The following MPHOSPH6 variants were observed in gnomAD, a reference collection of about 807,000 sequenced individuals.
MPHOSPH6 encodes the protein M-phase phosphoprotein 6.
A neutral mutation model predicts 21.8 loss-of-function variants in MPHOSPH6; 25 were observed. The ratio of observed to expected loss-of-function variants is 1.15; its 90% CI spans 0.83 to 1.60. The LOEUF (loss-of-function observed/expected upper bound fraction) is 1.60. Among genes scored for constraint, MPHOSPH6 ranks in the 40% most tolerant of loss-of-function variants. The pLI, the probability that MPHOSPH6 is intolerant of heterozygous loss-of-function variation, is 0.00. For synonymous variants in MPHOSPH6, 84 were observed against 56.5 expected (o/e 1.49, Z -2.18); for missense variants, 269 against 181.8 (o/e 1.48, Z -2.76).
rs1906149515 is a variant in MPHOSPH6 at position 82,148,390 on chromosome 16, T to A, written c.*341A>T. 2 of 179,398 alleles carry A rather than the reference T, an allele frequency of 1.1e-5. No homozygotes were observed. Among genetic ancestry groups the A allele is most frequent in the Non-Finnish European group, 2.3e-5 (2 of 87,046 alleles). The allele number at this position is 179,398 out of a possible 1,614,324, so 11.1% of individuals were successfully genotyped here. The stretch of plus-strand genomic sequence containing the variant: ...TAATAAATATAAACATAAGGGCAAT[T>A]TAAACATTGGCAGTAGTTTATGTAA... On this transcript the variant is annotated 3_prime_UTR_variant, in exon 5 of 5. Transcript: ENST00000258169.
chr16:82,164,129 A>C lies in MPHOSPH6; in HGVS notation c.117T>G (p.Ile39Met). The C allele has an allele frequency of 3.1e-6, 5 of 1,613,000 alleles. No homozygotes were observed. The highest frequency in any genetic ancestry group is 4.2e-6 in the Non-Finnish European group (5 of 1,179,962). The change falls in exon 2 of 5, where the codon ATT becomes ATG. Residue 39 changes from isoleucine (I) to methionine (M), a missense_variant. Physicochemically the swap from Ile to Met is conservative, Grantham distance 10. Transcript: ENST00000258169. ...KQLEEEEKKI[I>M]SEEHWYLDLP... ...AATCCAAGTACCAGTGCTCTTCACT[A>C]ATGATTTTCTTTTCTTCTTCTTCTA...
chr16:82,149,242 G>T, intron 4 of MPHOSPH6, 67 bp downstream of exon 4: 1 of 1,490,186 alleles, frequency 6.7e-7, no homozygotes, highest in Non-Finnish European at 9.3e-7. Flanking sequence ...TGGGGTAAGA[G>T]GAGCATTCCT....
At chr16:82,167,814 C>T (rs562160962) in intron 1 of MPHOSPH6, among the ~76,000 whole-genome samples, 1 of 152,302 alleles carries the variant, frequency 6.6e-6, no homozygotes, top group South Asian at 2.1e-4. Flanking sequence ...CGCTTGCCTG[C>T]CCGCTGCTCA....
chr16:82,168,129 T>C (rs1174369552), intron 1 of MPHOSPH6, among the ~76,000 whole-genome samples: 3 of 22,786 alleles, frequency 1.3e-4, no homozygotes, highest in Non-Finnish European at 2.2e-4. Context: ...GGGGTGGACA[T>C]TTAAGTTAAT....
intron 2 of MPHOSPH6, 174 bp downstream of exon 2, chr16:82,163,900 AAAATGTAT>A: frequency 1.9e-6 from 1 of 513,140 alleles, no homozygotes; most frequent in South Asian, 3.1e-5. Context: ...GGGAGTAGTA[AAAATGTAT>A]AAATCCATGT....
intron 1 of MPHOSPH6, among the ~76,000 whole-genome samples, chr16:82,165,895 A>C (rs908021550): frequency 5.3e-5 from 8 of 152,244 alleles, no homozygotes; most frequent in Non-Finnish European, 1.0e-4. Flanking sequence ...GTAACACATG[A>C]TGGTGATAAC....
intron 1 of MPHOSPH6, among the ~76,000 whole-genome samples, chr16:82,168,201 C>T (rs866768882): frequency 6.6e-6 from 1 of 152,284 alleles, no homozygotes; most frequent in South Asian, 2.1e-4. Flanking sequence ...AGTACATCAT[C>T]TGGCTTATTC....
rs1447755152 is a variant in MPHOSPH6 at position 82,170,124 on chromosome 16, C to G, written c.51+1G>C. ...GAGTGGCGCTCTCAGCGTCCCCGCA[C>G]CTTCATGCGCAGTAGATTCTTGGAC... On this transcript the variant is annotated splice_donor_variant, in intron 1 of 4. Coordinates refer to ENST00000258169, the MANE Select transcript of MPHOSPH6 (RefSeq NM_005792.2). LOFTEE classifies it high-confidence loss of function. 1 of 1,591,206 alleles carries G rather than the reference C, an allele frequency of 6.3e-7. No individual in the cohort carries two copies. The highest frequency in any genetic ancestry group is 2.4e-5 in the East Asian group (1 of 42,248).
At chr16:82,154,099 G>A (rs1906353330) in intron 2 of MPHOSPH6, among the ~76,000 whole-genome samples, 1 of 152,196 alleles carries the variant, frequency 6.6e-6, no homozygotes, top group African/African-American at 2.4e-5. Flanking sequence ...TTATCTGGGA[G>A]ACCATTTTCC....
Position 82,170,196 on chromosome 16 carries a change from G to C in MPHOSPH6, c.-21C>G, listed in dbSNP as rs148602800. The C allele has an allele frequency of 3.8e-6, 6 of 1,564,444 alleles. No homozygotes were observed. Among genetic ancestry groups the C allele is most frequent in the East Asian group, 2.5e-5 (1 of 39,648 alleles). ...GCCATGGTAGCTTCCGCCCAGCGCC[G>C]CACTCCGGCCGCGAGCCTCACCGCA... On this transcript the variant is annotated 5_prime_UTR_variant, in exon 1 of 5. Coordinates refer to ENST00000258169, the MANE Select transcript of MPHOSPH6 (RefSeq NM_005792.2).
chr16:82,160,507 T>G (rs1004775149), intron 2 of MPHOSPH6, among the ~76,000 whole-genome samples: 27 of 152,206 alleles, frequency 1.8e-4, no homozygotes, highest in African/African-American at 6.5e-4. Context: ...GCGAGCAGCC[T>G]TGAAAAACAG....
chr16:82,166,629 CT>C (rs1205469976), intron 1 of MPHOSPH6, among the ~76,000 whole-genome samples: 1 of 151,974 alleles, frequency 6.6e-6, no homozygotes, highest in African/African-American at 2.4e-5. Context: ...GGCGGCACCC[CT>C]GGTACACAAA....
rs370793136 is a variant in MPHOSPH6 at position 82,149,304 on chromosome 16, G to C, written c.350+5C>G. On this transcript the variant is annotated splice_donor_5th_base_variant and intron_variant, in intron 4 of 4. Transcript: ENST00000258169. Reference sequence around the variant, plus strand: ...GATTAGAAGGCTGCTGCGCAGCACGGTTACCTTCTAGCCATCTCTTCATCT... The same window carrying C: ...GATTAGAAGGCTGCTGCGCAGCACGCTTACCTTCTAGCCATCTCTTCATCT... The C allele has an allele frequency of 6.8e-6, 11 of 1,612,702 alleles. No homozygotes were observed. Among genetic ancestry groups the C allele is most frequent in the Non-Finnish European group, 3.4e-6 (4 of 1,179,752 alleles).
At chr16:82,163,656 AG>A (rs1906673504) in intron 2 of MPHOSPH6, among the ~76,000 whole-genome samples, 2 of 152,382 alleles carry the variant, frequency 1.3e-5, no homozygotes, top group South Asian at 4.1e-4. Flanking sequence ...TATTACAAGT[AG>A]TAACAATTTA....
At chr16:82,149,235 G>C in intron 4 of MPHOSPH6, 74 bp downstream of exon 4, 3 of 1,447,548 alleles carry the variant, frequency 2.1e-6, no homozygotes, top group South Asian at 1.1e-5. Flanking sequence ...TGCACTGTGG[G>C]GTAAGAGGAG....
chr16:82,168,369 G>C (rs1906856385), intron 1 of MPHOSPH6, among the ~76,000 whole-genome samples: 1 of 151,940 alleles, frequency 6.6e-6, no homozygotes, highest in Non-Finnish European at 1.5e-5. Flanking sequence ...CAAACTCTAA[G>C]TTATGCTGCA....
intron 1 of MPHOSPH6, among the ~76,000 whole-genome samples, chr16:82,166,280 T>C (rs1415852245): frequency 6.6e-6 from 1 of 152,258 alleles, no homozygotes; most frequent in African/African-American, 2.4e-5. Context: ...CGTCATCCAT[T>C]TTACCTGTGT....
intron 2 of MPHOSPH6, among the ~76,000 whole-genome samples, chr16:82,157,399 C>A (rs1277540451): frequency 6.6e-6 from 1 of 152,196 alleles, no homozygotes; most frequent in Non-Finnish European, 1.5e-5. Flanking sequence ...ACATATTGCA[C>A]AATTCCTTTT....
chr16:82,159,968 A>G (rs1906555678), intron 2 of MPHOSPH6, among the ~76,000 whole-genome samples: 1 of 152,240 alleles, frequency 6.6e-6, no homozygotes, highest in South Asian at 2.1e-4. Context: ...CTCAATTCCA[A>G]AGTAAATCAT....
Sources: gnomAD v4.1 joint callset for allele counts (sites outside exome capture counted in the v4.1 genomes callset) on GRCh38, gnomAD v4.1.1 for gene constraint, MANE v1.5 for transcripts, NCBI Gene and HGNC (gene_info 2026-07-23, HGNC 2026-07-21) for gene names.